Variants in KDM2A observed in about 807,000 individuals in gnomAD.
KDM2A encodes lysine-specific demethylase 2A.
KDM2A carries 3 observed loss-of-function variants against 137.3 expected under a neutral mutation model. That is an observed-to-expected ratio of 0.02 (90% CI 0.01 to 0.06). The LOEUF is 0.06. Among genes scored for constraint, KDM2A ranks in the 10% least tolerant of loss-of-function variants. KDM2A has a pLI of 1.00. For missense variants in KDM2A, 738 were observed against 1,510.6 expected (o/e 0.49, Z 8.48); for synonymous variants, 512 against 541.5 (o/e 0.95, Z 0.76).
chr11:67,202,531 G>C (rs1857655422), intron 5 of KDM2A, among the ~76,000 whole-genome samples: 1 of 152,094 alleles, frequency 6.6e-6, no homozygotes, highest in Admixed American at 6.6e-5. Flanking sequence ...CTAGCACTTT[G>C]GGAGGCTGAG....
chr11:67,215,464 C>T lies in KDM2A; in HGVS notation c.593+18C>T. 6.6e-7 allele frequency: 1 copy of T among 1,518,220 alleles called. No homozygotes were observed. The allele number at this position is 1,518,220 out of a possible 1,614,324, so 94.0% of individuals were successfully genotyped here. On this transcript the variant is annotated intron_variant, in intron 7 of 20. Coordinates refer to ENST00000529006, the MANE Select transcript of KDM2A (RefSeq NM_012308.3). ...GTGCAGAAGTAAGTGATGCGCCCTG[C>T]ATCTTCCTCCGTGTGCTGTGGGAGA...
intron 2 of KDM2A, among the ~76,000 whole-genome samples, chr11:67,156,046 T>TA (rs1252501623): frequency 1.5e-5 from 2 of 134,500 alleles, no homozygotes; most frequent in Admixed American, 7.6e-5. Flanking sequence ...AGTCAGGAGT[T>TA]AGAGACCAGC....
At chr11:67,180,054 A>T in intron 2 of KDM2A, 25 bp from the exon 3 acceptor site, 2 of 1,597,700 alleles carry the variant, frequency 1.3e-6, no homozygotes, top group Non-Finnish European at 1.7e-6. Context: ...GCATGATTTC[A>T]TCAGTATGTT....
chr11:67,255,867 T>C lies in KDM2A; in HGVS notation c.*812T>C, dbSNP rs1038981434. ...CCATCTCCTTGTTCCCCCTCTCTCT[T>C]TTGCCTCCCACTGACTGCCCTTTTC... On this transcript the variant is annotated 3_prime_UTR_variant, in exon 21 of 21. Transcript: ENST00000529006. 3.3e-5 allele frequency: 9 copies of C among 269,168 alleles called. No homozygotes were observed. Among genetic ancestry groups the C allele is most frequent in the African/African-American group, 1.4e-4 (6 of 44,024 alleles). The allele number at this position is 269,168 out of a possible 1,614,324, so 16.7% of individuals were successfully genotyped here.
rs139751831 is a variant in KDM2A, at chr11:67,236,885, C to T, written c.1479+4925C>T. Among the ~76,000 whole-genome samples, 7 of 152,248 alleles carry T rather than the reference C, an allele frequency of 4.6e-5. 2 individuals carry two copies. Among genetic ancestry groups the T allele is most frequent in the African/African-American group, 1.7e-4 (7 of 41,542 alleles). On this transcript the variant is annotated intron_variant, in intron 12 of 20. Coordinates refer to ENST00000529006, the MANE Select transcript of KDM2A (RefSeq NM_012308.3). ...ATGTTAAGGAAACTATGCAGACATG[C>T]CGTGGTCCTAGCCCTCAAGAGCCTT...
intron 12 of KDM2A, chr11:67,240,136 G>T (rs1041348265): frequency 1.7e-5 from 24 of 1,411,774 alleles, no homozygotes; most frequent in African/African-American, 2.9e-5. Context: ...AAGGGCTCGA[G>T]AAGGAGCCCA....
At chr11:67,140,464 C>T (rs958175687) in intron 2 of KDM2A, among the ~76,000 whole-genome samples, 5 of 151,914 alleles carry the variant, frequency 3.3e-5, no homozygotes, top group African/African-American at 1.2e-4. Context: ...AAAGAAGTTA[C>T]AAGTAGGCCT....
chr11:67,121,045 G>C (rs1855587967), intron 1 of KDM2A, among the ~76,000 whole-genome samples, 189 bp from the exon 2 acceptor site: 1 of 152,102 alleles, frequency 6.6e-6, no homozygotes, highest in Admixed American at 6.6e-5. Context: ...GCCTCCGACA[G>C]TTGTAATGTG....
intron 2 of KDM2A, among the ~76,000 whole-genome samples, chr11:67,161,636 T>G (rs1856641145): frequency 6.6e-6 from 1 of 152,240 alleles, no homozygotes; most frequent in Non-Finnish European, 1.5e-5. Flanking sequence ...CCTAAATTGA[T>G]TTTTGTGACT....
At chr11:67,211,749 GTCACTTC>G (rs1857998268) in intron 6 of KDM2A, among the ~76,000 whole-genome samples, 1 of 147,450 alleles carries the variant, frequency 6.8e-6, no homozygotes, top group Admixed American at 6.9e-5. Context: ...ACTTTGATCT[GTCACTTC>G]TCACTTTATA....
intron 6 of KDM2A, among the ~76,000 whole-genome samples, chr11:67,208,737 C>T (rs1857888572): frequency 6.8e-6 from 1 of 147,216 alleles, no homozygotes; most frequent in Non-Finnish European, 1.5e-5. Context: ...TGCCACTGCA[C>T]TCCAGCCTGT....
At chr11:67,216,690 G>A (rs1858169911) in intron 8 of KDM2A, among the ~76,000 whole-genome samples, 1 of 152,160 alleles carries the variant, frequency 6.6e-6, no homozygotes, top group Non-Finnish European at 1.5e-5. Context: ...GGAGGCCAAG[G>A]CGGGCGGATC....
At chr11:67,153,952 C>T (rs1050726093) in intron 2 of KDM2A, among the ~76,000 whole-genome samples, 1 of 151,998 alleles carries the variant, frequency 6.6e-6, no homozygotes, top group Admixed American at 6.6e-5. Flanking sequence ...TTGCATACAT[C>T]ATGACACATT....
At chr11:67,197,820 C>T (rs1179873982) in intron 5 of KDM2A, among the ~76,000 whole-genome samples, 1 of 152,088 alleles carries the variant, frequency 6.6e-6, no homozygotes, top group African/African-American at 2.4e-5. Flanking sequence ...AACAATGCAA[C>T]GGCTAGAGGC....
At chr11:67,195,880 A>G (rs1228264248) in intron 5 of KDM2A, 1 of 303,236 alleles carries the variant, frequency 3.3e-6, no homozygotes, top group East Asian at 9.0e-5. Flanking sequence ...TCTATTTTAT[A>G]ACCAGTTCTC....
Position 67,240,203 on chromosome 11 carries a change from G to T in KDM2A, c.1480-2806G>T, listed in dbSNP as rs1251349551. The T allele has an allele frequency of 2.6e-6, 4 of 1,534,470 alleles. No individual in the cohort carries two copies. In the African/African-American group the frequency reaches 5.5e-5, roughly 21 times the overall value. Reference sequence around the variant, plus strand: ...TGAAGGGTCAGAGCTGGACTGCCCTGCCCTATGTGCTCTGGGAGATTCCAG... The same window carrying T: ...TGAAGGGTCAGAGCTGGACTGCCCTTCCCTATGTGCTCTGGGAGATTCCAG... On this transcript the variant is annotated intron_variant, in intron 12 of 20. Transcript: ENST00000529006.
At chr11:67,209,918 G>C (rs777561610) in intron 6 of KDM2A, among the ~76,000 whole-genome samples, 5 of 152,132 alleles carry the variant, frequency 3.3e-5, no homozygotes, top group Non-Finnish European at 5.9e-5. Flanking sequence ...AACTTAGCCA[G>C]GCATGGTGGC....
chr11:67,198,658 T>C (rs1857543450), intron 5 of KDM2A, among the ~76,000 whole-genome samples: 1 of 147,636 alleles, frequency 6.8e-6, no homozygotes, highest in Non-Finnish European at 1.5e-5. Flanking sequence ...TGCAGTGAGC[T>C]GAGATCCCGC....
chr11:67,137,467 ATGAT>A (rs1251948081), intron 2 of KDM2A, among the ~76,000 whole-genome samples: 2 of 152,160 alleles, frequency 1.3e-5, no homozygotes, highest in African/African-American at 2.4e-5. Context: ...GATTGATTCT[ATGAT>A]TGAGATTCTA....
Sources: allele counts gnomAD v4.1 joint callset (sites outside exome capture counted in the v4.1 genomes callset), GRCh38; gene constraint gnomAD v4.1.1; transcripts MANE v1.5; gene names NCBI Gene and HGNC (gene_info 2026-07-23, HGNC 2026-07-21).